Variants in CPVL observed in about 807,000 individuals in gnomAD.
The protein encoded by CPVL is probable serine carboxypeptidase CPVL.
Under a neutral mutation model 63.7 loss-of-function variants are expected in CPVL, and 51 were observed. That is an observed-to-expected ratio of 0.80 (90% CI 0.64 to 1.01). CPVL has a LOEUF of 1.01. Ranked by LOEUF, CPVL falls within the 50% of genes least tolerant of loss-of-function variation. The probability of loss-of-function intolerance (pLI) is 0.00; values close to 1 mark genes in which losing one functional copy is unlikely to be tolerated. For synonymous variants in CPVL, 195 were observed against 206.0 expected (o/e 0.95, Z 0.46); for missense variants, 530 against 573.1 (o/e 0.92, Z 0.77).
intron 1 of CPVL, among the ~76,000 whole-genome samples, chr7:29,145,563 T>C (rs1036113919): frequency 6.6e-6 from 1 of 152,104 alleles, no homozygotes; most frequent in African/African-American, 2.4e-5. Flanking sequence ...TAAACATTAT[T>C]TTGTTCTGTC....
chr7:29,019,893 C>T (rs570531885), intron 12 of CPVL, among the ~76,000 whole-genome samples: 2 of 152,296 alleles, frequency 1.3e-5, no homozygotes, highest in Admixed American at 6.5e-5. Context: ...TCCCTTGCTG[C>T]GTGGTAAAAC....
intron 1 of CPVL, among the ~76,000 whole-genome samples, chr7:29,142,359 G>C (rs1242597705): frequency 6.6e-6 from 1 of 151,874 alleles, no homozygotes; most frequent in Admixed American, 6.6e-5. Context: ...TTAATCACTA[G>C]TCCAAATGTT....
chr7:29,050,226 G>C (rs1310247450), intron 11 of CPVL, among the ~76,000 whole-genome samples: 1 of 152,060 alleles, frequency 6.6e-6, no homozygotes, highest in Non-Finnish European at 1.5e-5. Flanking sequence ...ACTGTTTGCT[G>C]ATGTTATGAT....
At chr7:29,057,370 G>A (rs2128179701) in intron 11 of CPVL, among the ~76,000 whole-genome samples, 1 of 152,246 alleles carries the variant, frequency 6.6e-6, no homozygotes, top group Non-Finnish European at 1.5e-5. Context: ...AGCTATAAGG[G>A]TTTTTAAAAA....
chr7:29,112,976 C>A, intron 2 of CPVL, 154 bp from the exon 3 acceptor site: 1 of 585,320 alleles, frequency 1.7e-6, no homozygotes, highest in Admixed American at 2.7e-5. Context: ...TCCAGCCTGC[C>A]CCTGGCCAAT....
At chr7:29,074,907 G>GT (rs1248529592) in intron 7 of CPVL, among the ~76,000 whole-genome samples, 1 of 151,748 alleles carries the variant, frequency 6.6e-6, no homozygotes, top group African/African-American at 2.4e-5. Context: ...ATAGAGCAAA[G>GT]TTTACGATTT....
chr7:28,996,091 TAA>T, intron 12 of CPVL: 1 of 478,956 alleles, frequency 2.1e-6, no homozygotes, highest in Non-Finnish European at 3.6e-6. Flanking sequence ...AAAGCTTAGT[TAA>T]TTTTACGCAA....
intron 11 of CPVL, among the ~76,000 whole-genome samples, chr7:29,047,762 G>A (rs550343922): frequency 9.9e-5 from 15 of 152,178 alleles, no homozygotes; most frequent in African/African-American, 2.6e-4. Flanking sequence ...AAGTTAAGAC[G>A]AAAGAAAGAA....
At chr7:29,041,947 T>C (rs1335751949) in intron 11 of CPVL, among the ~76,000 whole-genome samples, 2 of 152,260 alleles carry the variant, frequency 1.3e-5, no homozygotes, top group Non-Finnish European at 1.5e-5. Flanking sequence ...AGTTTTCATG[T>C]GCCTTCTAGA....
At chr7:29,125,335 A>G (rs1311575419) in intron 1 of CPVL, among the ~76,000 whole-genome samples, 1 of 151,882 alleles carries the variant, frequency 6.6e-6, no homozygotes, top group Non-Finnish European at 1.5e-5. Context: ...GCCAAGACTC[A>G]AAGCCAGAAT....
intron 3 of CPVL, among the ~76,000 whole-genome samples, chr7:29,111,213 A>G (rs1788191924): frequency 6.6e-6 from 1 of 152,268 alleles, no homozygotes; most frequent in Non-Finnish European, 1.5e-5. Context: ...ACATCAATAG[A>G]TATGATATAA....
At chr7:29,026,182 T>C (rs76968340) in intron 12 of CPVL, among the ~76,000 whole-genome samples, 8,283 of 152,132 alleles carry the variant, frequency 0.054, 284 homozygotes, top group Middle Eastern at 0.11. Flanking sequence ...GGAAACTGTA[T>C]AAACACATGA....
intron 1 of CPVL, among the ~76,000 whole-genome samples, chr7:29,141,664 C>A (rs923661392): frequency 2.0e-5 from 3 of 152,110 alleles, no homozygotes; most frequent in Non-Finnish European, 4.4e-5. Flanking sequence ...CGCCTGTAAT[C>A]CCAGCACTTT....
chr7:29,100,226 T>A, intron 3 of CPVL, among the ~76,000 whole-genome samples: 1 of 152,206 alleles, frequency 6.6e-6, no homozygotes, highest in Middle Eastern at 3.2e-3. Flanking sequence ...CCAGCCCCAC[T>A]TCCTTCCTAA....
intron 5 of CPVL, among the ~76,000 whole-genome samples, chr7:29,093,161 G>A (rs948151252): frequency 3.3e-5 from 5 of 152,036 alleles, no homozygotes; most frequent in South Asian, 2.1e-4. Context: ...TGAGGCGGGC[G>A]GAACACCTGA....
chr7:29,160,577 AT>A (rs1232982590), intron 5 of CPVL, among the ~76,000 whole-genome samples: 1 of 152,044 alleles, frequency 6.6e-6, no homozygotes, highest in Non-Finnish European at 1.5e-5. Context: ...CTTGGGAAAG[AT>A]TTTTCTCCCT....
chr7:29,034,987 A>G (rs918602937), intron 11 of CPVL, among the ~76,000 whole-genome samples: 1 of 152,044 alleles, frequency 6.6e-6, no homozygotes, highest in Non-Finnish European at 1.5e-5. Context: ...TTTCATGACA[A>G]CTAGGTAAAA....
chr7:29,137,685 C>T (rs962744463), intron 1 of CPVL, among the ~76,000 whole-genome samples: 1 of 152,178 alleles, frequency 6.6e-6, no homozygotes, highest in African/African-American at 2.4e-5. Context: ...GTCTGCTTTT[C>T]ATTAAAAGGA....
At chr7:29,137,642 G>C (rs1374944920) in intron 1 of CPVL, among the ~76,000 whole-genome samples, 1 of 152,128 alleles carries the variant, frequency 6.6e-6, no homozygotes, top group Non-Finnish European at 1.5e-5. Context: ...TTATAGGCAG[G>C]CTGCTCTTTG....
Sources: gnomAD v4.1 joint callset for allele counts (sites outside exome capture counted in the v4.1 genomes callset) on GRCh38, gnomAD v4.1.1 for gene constraint, MANE v1.5 for transcripts, NCBI Gene and HGNC (gene_info 2026-07-23, HGNC 2026-07-21) for gene names.